RPN2: variants seen among roughly 807,000 people sequenced by gnomAD.
RPN2 encodes the protein ribophorin II, also known as dolichyl-diphosphooligosaccharide--protein glycosyltransferase subunit 2.
A neutral mutation model predicts 71.4 loss-of-function variants in RPN2; 29 were observed. The ratio of observed to expected loss-of-function variants is 0.41; its 90% CI spans 0.30 to 0.55. The LOEUF (loss-of-function observed/expected upper bound fraction) is 0.55, where lower values mean the gene tolerates loss of function less well. RPN2 is among the 20% of genes least tolerant of loss of function. RPN2 has a pLI of 0.35. For synonymous variants in RPN2, 308 were observed against 305.0 expected, an observed-to-expected ratio of 1.01 and a Z score of -0.10; for missense variants, 726 against 774.1, an observed-to-expected ratio of 0.94 and a Z score of 0.74.
intron 9 of RPN2, among the ~76,000 whole-genome samples, chr20:37,223,358 C>T (rs1480454934): frequency 1.3e-5 from 2 of 152,248 alleles, no homozygotes; most frequent in Non-Finnish European, 2.9e-5. Flanking sequence ...GGCCTGATCA[C>T]TTCCTCACAG....
At chr20:37,236,497 A>G (rs1387442500) in intron 15 of RPN2, 83 bp from the exon 16 acceptor site, 6 of 1,441,402 alleles carry the variant, frequency 4.2e-6, no homozygotes, top group Middle Eastern at 1.7e-4. Context: ...TCATGATCCA[A>G]CAGTTGCTAT....
At chr20:37,200,628 A>G (rs752611641) in intron 4 of RPN2, 40 of 399,166 alleles carry the variant, frequency 1.0e-4, no homozygotes, top group Middle Eastern at 3.7e-4. Flanking sequence ...TTCACAGGCA[A>G]TTGACATTCC....
intron 6 of RPN2, among the ~76,000 whole-genome samples, chr20:37,205,949 G>A (rs1326145880): frequency 1.3e-5 from 2 of 152,038 alleles, no homozygotes; most frequent in African/African-American, 2.4e-5. Flanking sequence ...GAGTAATTTC[G>A]CTGTCACTGC....
At chr20:37,203,438 A>G (rs572362320) in intron 4 of RPN2, among the ~76,000 whole-genome samples, 3 of 149,196 alleles carry the variant, frequency 2.0e-5, no homozygotes, top group African/African-American at 2.5e-5. Flanking sequence ...GCTCACTGCA[A>G]CCTCTGCCTC....
chr20:37,190,769 G>A (rs1433141479), intron 2 of RPN2, among the ~76,000 whole-genome samples: 2 of 152,104 alleles, frequency 1.3e-5, no homozygotes, highest in Non-Finnish European at 2.9e-5. Flanking sequence ...AAAATAAATA[G>A]GTTAATCACA....
chr20:37,216,332 C>G (rs1218649158), intron 9 of RPN2, among the ~76,000 whole-genome samples: 3 of 152,166 alleles, frequency 2.0e-5, no homozygotes, highest in Non-Finnish European at 4.4e-5. Flanking sequence ...GAGCCAGACT[C>G]TGTCTCAAAA....
chr20:37,236,481 A>T lies in RPN2; in HGVS notation c.1754-99A>T, dbSNP rs2068395935. On this transcript the variant is annotated intron_variant, in intron 15 of 16. Transcript: ENST00000237530. ...AAAACAAGCTGGTATAGGAGTACAG[A>T]CCTTTTCATGATCCAACAGTTGCTA... 9.4e-6 allele frequency: 12 copies of T among 1,282,258 alleles called. No individual in the cohort carries two copies. The South Asian group carries it at 1.3e-4, about 14-fold the overall frequency. The allele number at this position is 1,282,258 out of a possible 1,614,324, so 79.4% of individuals were successfully genotyped here.
At chr20:37,196,354 C>G (rs6104002) in intron 2 of RPN2, among the ~76,000 whole-genome samples, 3,759 of 152,262 alleles carry the variant, frequency 0.025, 147 homozygotes, top group African/African-American at 0.084. Flanking sequence ...TCAAGCCTCC[C>G]GAGTAGCTGG....
At chr20:37,196,955 G>C (rs1419746041) in intron 2 of RPN2, among the ~76,000 whole-genome samples, 2 of 152,130 alleles carry the variant, frequency 1.3e-5, no homozygotes, top group African/African-American at 2.4e-5. Context: ...TTGAGAGGGT[G>C]GATACCTGGC....
At position 37,184,333 on chromosome 20, in the gene RPN2, T is replaced by C. The variant is rs777949410; in HGVS notation, c.167T>C (p.Val56Ala). ...TNLESAFYSI[V>A]GLSSLGAQVP... ...TTGGAATCTGCCTTCTACTCCATCG[T>C]GGGACTCAGCAGCCTTGGTGCTCAG... The change falls in exon 2 of 17, where the codon GTG becomes GCG. Residue 56 changes from valine to alanine, a missense_variant. Transcript: ENST00000237530. The C allele has an allele frequency of 1.2e-6, 2 of 1,614,090 alleles. No homozygotes were observed. The highest frequency in any genetic ancestry group is 1.7e-6 in the Non-Finnish European group (2 of 1,180,044).
intron 11 of RPN2, among the ~76,000 whole-genome samples, chr20:37,228,004 A>C (rs888643543): frequency 3.3e-5 from 5 of 152,220 alleles, no homozygotes; most frequent in African/African-American, 1.2e-4. Context: ...TTGCTCAGCT[A>C]ATAAGTAGTG....
At chr20:37,218,545 TA>T (rs71187921) in intron 9 of RPN2, among the ~76,000 whole-genome samples, 3 of 147,620 alleles carry the variant, frequency 2.0e-5, no homozygotes, top group African/African-American at 2.5e-5. Flanking sequence ...CCGTCTCTGC[TA>T]AAAAAAAAAA....
intron 10 of RPN2, among the ~76,000 whole-genome samples, chr20:37,224,799 T>C (rs2068040908): frequency 6.6e-6 from 1 of 152,162 alleles, no homozygotes; most frequent in South Asian, 2.1e-4. Flanking sequence ...TCTTTGAAGA[T>C]GGGATGTTAG....
chr20:37,184,767 A>C (rs1018827049), intron 2 of RPN2, among the ~76,000 whole-genome samples: 20 of 152,182 alleles, frequency 1.3e-4, no homozygotes, highest in Middle Eastern at 3.2e-3. Context: ...ACTCCAGCCC[A>C]GGCAACAGTG....
At chr20:37,228,237 C>T (rs1018788690) in intron 11 of RPN2, among the ~76,000 whole-genome samples, 15 of 152,070 alleles carry the variant, frequency 9.9e-5, no homozygotes, top group Non-Finnish European at 7.4e-5. Context: ...AAAAGGCTGG[C>T]GGGAAAAAGA....
In RPN2 at chr20:37,201,041, A is replaced by G. The variant is rs956619140; in HGVS notation, c.479+1816A>G. On this transcript the variant is annotated intron_variant, in intron 4 of 16. Coordinates refer to ENST00000237530, the MANE Select transcript of RPN2 (RefSeq NM_002951.5). ...TGTGTCTGACTTTGGCCAAATTTCT[A>G]ACTTCTCTGAGCCTTGCCTTTAAAA... 9.2e-5 allele frequency among the ~76,000 whole-genome samples: 14 copies of G among 152,006 alleles called. No individual in the cohort carries two copies. In the East Asian group the frequency reaches 2.7e-3, roughly 30 times the overall value.
intron 2 of RPN2, among the ~76,000 whole-genome samples, chr20:37,196,039 C>T (rs1335291432): frequency 1.3e-5 from 2 of 151,936 alleles, no homozygotes; most frequent in Non-Finnish European, 2.9e-5. Context: ...CCACCCTGTC[C>T]TACTCTCCAG....
At chr20:37,197,585 G>A (rs187545656) in intron 2 of RPN2, among the ~76,000 whole-genome samples, 1 of 152,232 alleles carries the variant, frequency 6.6e-6, no homozygotes, top group Admixed American at 6.5e-5. Context: ...AGAAATAGAA[G>A]GTTTTAAGCT....
chr20:37,218,187 G>A lies in RPN2; in HGVS notation c.1092+4322G>A, dbSNP rs538550155. Among the ~76,000 whole-genome samples, 3 of 152,338 alleles carry A rather than the reference G, an allele frequency of 2.0e-5. No individual in the cohort carries two copies. In the East Asian group the frequency reaches 5.8e-4, roughly 29 times the overall value. On this transcript the variant is annotated intron_variant, in intron 9 of 16. Transcript: ENST00000237530. ...AGAACTTTGGGAGGCTGAGGTGGGA[G>A]GATCGCTTGAGCCCAGGAGTTAGAG...
Sources: gnomAD v4.1 joint callset for allele counts (sites outside exome capture counted in the v4.1 genomes callset) on GRCh38, gnomAD v4.1.1 for gene constraint, MANE v1.5 for transcripts, NCBI Gene and HGNC (gene_info 2026-07-23, HGNC 2026-07-21) for gene names.